The following NEDD4 variants were observed in gnomAD, a reference collection of about 807,000 sequenced individuals.
The protein encoded by NEDD4 is NEDD4 E3 ubiquitin protein ligase, also known as E3 ubiquitin-protein ligase NEDD4.
In NEDD4, 99 loss-of-function variants were observed where a neutral mutation model predicts 144.9. That is an observed-to-expected ratio of 0.68 (90% CI 0.58 to 0.81). The LOEUF is 0.81. Among genes scored for constraint, NEDD4 ranks in the 30% least tolerant of loss-of-function variants. The pLI is 0.00. For missense variants in NEDD4, 985 were observed against 1,065.9 expected, an observed-to-expected ratio of 0.92 and a Z score of 1.06; for synonymous variants, 318 against 350.6, an observed-to-expected ratio of 0.91 and a Z score of 1.04.
intron 18 of NEDD4, among the ~76,000 whole-genome samples, chr15:55,846,084 G>A (rs1218106092): frequency 2.0e-5 from 3 of 151,924 alleles, no homozygotes; most frequent in African/African-American, 7.3e-5. Flanking sequence ...ACTGCACCTG[G>A]CCCACAAAAT....
chr15:55,855,958 G>A (rs373752895), intron 12 of NEDD4, among the ~76,000 whole-genome samples, 173 bp downstream of exon 12: 1 of 152,100 alleles, frequency 6.6e-6, no homozygotes, highest in Non-Finnish European at 1.5e-5. Context: ...TGGGAGAGAC[G>A]GTTCTCCATG....
chr15:55,912,065 T>C (rs1395624642), intron 5 of NEDD4, among the ~76,000 whole-genome samples: 1 of 152,194 alleles, frequency 6.6e-6, no homozygotes, highest in Non-Finnish European at 1.5e-5. Context: ...TTCTAAGAAA[T>C]ATACATGTAC....
At chr15:55,849,991 C>T (rs1359887742) in intron 14 of NEDD4, among the ~76,000 whole-genome samples, 1 of 152,022 alleles carries the variant, frequency 6.6e-6, no homozygotes, top group Non-Finnish European at 1.5e-5. Context: ...AACGGGGTTT[C>T]ACCATGTTAG....
intron 10 of NEDD4, 41 bp downstream of exon 10, chr15:55,860,620 T>C (rs372490650): frequency 2.5e-5 from 41 of 1,612,712 alleles, no homozygotes; most frequent in Non-Finnish European, 3.1e-5. Context: ...TTTATTGCTA[T>C]AGCATGTGTC....
chr15:55,911,561 G>A (rs1308943668), intron 5 of NEDD4, among the ~76,000 whole-genome samples: 4 of 149,396 alleles, frequency 2.7e-5, no homozygotes, highest in African/African-American at 7.4e-5. Context: ...ACGGGGTTTC[G>A]CTCTGTGGCC....
intron 1 of NEDD4, among the ~76,000 whole-genome samples, chr15:55,975,704 A>G (rs1241183969): frequency 6.6e-6 from 1 of 152,178 alleles, no homozygotes; most frequent in African/African-American, 2.4e-5. Flanking sequence ...TGTCCATACT[A>G]CCCAAAGCAA....
Position 55,838,668 on chromosome 15 carries a change from A to G in NEDD4, c.2032-64T>C. ...TAACACACCTGAAATTGCAAAAAAC[A>G]GTATGTAGAGGGTCTGAATAATTGG... On this transcript the variant is annotated intron_variant, in intron 21 of 28. Transcript: ENST00000435532. 5.7e-6 allele frequency: 6 copies of G among 1,047,558 alleles called. No homozygotes were observed. In the South Asian group the frequency reaches 7.9e-5, roughly 14 times the overall value. The allele number at this position is 1,047,558 out of a possible 1,614,324, so 64.9% of individuals were successfully genotyped here.
rs190548192 is a variant in NEDD4, at chr15:55,921,717, T to C, written c.291+2929A>G. Among the ~76,000 whole-genome samples the C allele has an allele frequency of 3.3e-5, 5 of 152,346 alleles. No homozygotes were observed. The East Asian group carries it at 9.6e-4, about 29-fold the overall frequency. ...TTTGTCATATTTATCCATCTATAAATATCCAACTGTTAATATCAAAGGCAA... is the reference window on the plus strand; with the variant it reads ...TTTGTCATATTTATCCATCTATAAACATCCAACTGTTAATATCAAAGGCAA... On this transcript the variant is annotated intron_variant, in intron 5 of 28. Coordinates refer to ENST00000435532, the MANE Select transcript of NEDD4 (RefSeq NM_006154.4).
chr15:55,870,514 CTT>C (rs1396735594), intron 7 of NEDD4, among the ~76,000 whole-genome samples: 6 of 94,110 alleles, frequency 6.4e-5, no homozygotes, highest in Non-Finnish European at 1.5e-4. Context: ...CTTTTTTTTT[CTT>C]CTTCTTCTTC....
chr15:55,940,813 T>C (rs1015132587), intron 4 of NEDD4, among the ~76,000 whole-genome samples: 1 of 151,204 alleles, frequency 6.6e-6, no homozygotes, highest in African/African-American at 2.4e-5. Context: ...TGAGCCACCA[T>C]GCCAGGCCAA....
At chr15:55,830,149 T>A in intron 28 of NEDD4, 150 bp from the exon 29 acceptor site, 3 of 630,648 alleles carry the variant, frequency 4.8e-6, no homozygotes, top group South Asian at 3.9e-5. Context: ...GACGTAGGAC[T>A]GGGTTCTGGG....
chr15:55,947,612 G>A (rs2037146001), intron 4 of NEDD4, among the ~76,000 whole-genome samples: 1 of 152,098 alleles, frequency 6.6e-6, no homozygotes, highest in Non-Finnish European at 1.5e-5. Context: ...CCATGATCAA[G>A]TGGGCTTCAT....
chr15:55,946,725 C>T (rs1290702902), intron 4 of NEDD4, among the ~76,000 whole-genome samples: 4 of 152,210 alleles, frequency 2.6e-5, no homozygotes, highest in Non-Finnish European at 5.9e-5. Flanking sequence ...CACCACACCA[C>T]ACTTATTCCA....
intron 4 of NEDD4, among the ~76,000 whole-genome samples, chr15:55,946,072 G>A (rs180749304): frequency 4.6e-4 from 70 of 152,286 alleles, no homozygotes; most frequent in African/African-American, 1.6e-3. Context: ...AAAGATCATC[G>A]ATGCTATGAA....
At chr15:55,835,994 G>A (rs1333142171) in intron 24 of NEDD4, among the ~76,000 whole-genome samples, 2 of 152,164 alleles carry the variant, frequency 1.3e-5, no homozygotes, top group Non-Finnish European at 2.9e-5. Flanking sequence ...TAGCTCCGCA[G>A]GCTGATTGTT....
intron 1 of NEDD4, among the ~76,000 whole-genome samples, chr15:55,967,991 A>G (rs1331661687): frequency 1.3e-5 from 2 of 152,204 alleles, no homozygotes; most frequent in South Asian, 2.1e-4. Context: ...TGACAGAGCA[A>G]GACCTTATTT....
intron 4 of NEDD4, among the ~76,000 whole-genome samples, chr15:55,942,894 T>C (rs566243165): frequency 3.7e-4 from 57 of 152,294 alleles, no homozygotes; most frequent in South Asian, 1.9e-3. Context: ...GTGACCAAAA[T>C]GCTGATAGTG....
intron 1 of NEDD4, among the ~76,000 whole-genome samples, chr15:55,984,333 G>C (rs933100551): frequency 1.3e-5 from 2 of 152,202 alleles, no homozygotes; most frequent in African/African-American, 2.4e-5. Context: ...CCTACTGGGA[G>C]AAGGTTCTTG....
intron 5 of NEDD4, among the ~76,000 whole-genome samples, chr15:55,923,659 A>AAAAAAAATAT (rs546642962): frequency 5.2e-4 from 71 of 135,276 alleles, no homozygotes; most frequent in African/African-American, 2.0e-3. Flanking sequence ...AAAAAAAAAA[A>AAAAAAAATAT]ATATATATAT....
Sources: allele counts gnomAD v4.1 joint callset (sites outside exome capture counted in the v4.1 genomes callset), GRCh38; gene constraint gnomAD v4.1.1; transcripts MANE v1.5; gene names NCBI Gene and HGNC (gene_info 2026-07-23, HGNC 2026-07-21).